Variants in DPP10 observed in about 807,000 individuals in gnomAD.
DPP10 encodes dipeptidyl peptidase like 10.
In DPP10, 33 loss-of-function variants were observed where a neutral mutation model predicts 120.9. The observed-to-expected ratio is 0.27, with a 90% CI of 0.21 to 0.37. The LOEUF (loss-of-function observed/expected upper bound fraction) is 0.37. Among genes scored for constraint, DPP10 ranks in the 10% least tolerant of loss-of-function variants. The probability of loss-of-function intolerance (pLI) is 1.00; values close to 1 mark genes in which losing one functional copy is unlikely to be tolerated. For missense variants in DPP10, 816 were observed against 942.8 expected, an observed-to-expected ratio of 0.87 and a Z score of 1.76; for synonymous variants, 337 against 326.1, an observed-to-expected ratio of 1.03 and a Z score of -0.36.
chr2:115,703,420 G>A (rs1490051674), intron 7 of DPP10, among the ~76,000 whole-genome samples: 1 of 152,044 alleles, frequency 6.6e-6, no homozygotes, highest in Non-Finnish European at 1.5e-5. Flanking sequence ...GAGGGAGAAG[G>A]ATTTTAACGA....
Position 114,854,522 on chromosome 2 carries a change from C to T in DPP10, c.60+411684C>T, listed in dbSNP as rs1040595912. 1.6e-4 allele frequency among the ~76,000 whole-genome samples: 24 copies of T among 152,188 alleles called. No individual in the cohort carries two copies. The South Asian group carries it at 1.9e-3, about 12-fold the overall frequency. ...AGGTTGGCATTACACTCTCTGTCGA[C>T]GCTCAAAAGCTTCAGGAAGAGTTTA... On this transcript the variant is annotated intron_variant, in intron 1 of 25. Coordinates refer to ENST00000410059, the MANE Select transcript of DPP10 (RefSeq NM_020868.6).
intron 1 of DPP10, among the ~76,000 whole-genome samples, chr2:114,713,251 G>T (rs1701140469): frequency 2.0e-5 from 3 of 152,142 alleles, no homozygotes; most frequent in South Asian, 2.1e-4. Flanking sequence ...GCTTCCCAAA[G>T]TGCTGGGATT....
chr2:115,612,907 G>T (rs1051379591), intron 5 of DPP10, among the ~76,000 whole-genome samples: 1 of 151,232 alleles, frequency 6.6e-6, no homozygotes, highest in East Asian at 1.9e-4. Context: ...ATAAAGTCAT[G>T]ACAACTGGTA....
chr2:115,607,888 AAC>A (rs1168227240), intron 5 of DPP10, among the ~76,000 whole-genome samples: 1 of 152,208 alleles, frequency 6.6e-6, no homozygotes, highest in Non-Finnish European at 1.5e-5. Context: ...GAGAATGATT[AAC>A]TTAAAGTCTT....
intron 1 of DPP10, among the ~76,000 whole-genome samples, chr2:115,128,568 T>G (rs2104773101): frequency 6.6e-6 from 1 of 152,368 alleles, no homozygotes; most frequent in East Asian, 1.9e-4. Context: ...CAGAAACATT[T>G]GGTTTAAACA....
chr2:115,067,154 A>G (rs1394053710), intron 1 of DPP10, among the ~76,000 whole-genome samples: 1 of 152,020 alleles, frequency 6.6e-6, no homozygotes, highest in Admixed American at 6.5e-5. Flanking sequence ...AGTATGCTGT[A>G]TTTGTCTTTC....
At chr2:115,762,475 G>A in intron 11 of DPP10, 97 bp from the exon 12 acceptor site, 3 of 1,258,476 alleles carry the variant, frequency 2.4e-6, no homozygotes, top group Non-Finnish European at 3.5e-6. Flanking sequence ...GTTGAAGAGA[G>A]GGAAAAAAAA....
intron 1 of DPP10, among the ~76,000 whole-genome samples, chr2:115,207,702 G>A (rs1405939683): frequency 6.6e-6 from 1 of 152,136 alleles, no homozygotes; most frequent in Non-Finnish European, 1.5e-5. Flanking sequence ...TATGGTAGGC[G>A]TGCAAGAAGT....
chr2:115,602,327 A>G (rs1033115621), intron 5 of DPP10, among the ~76,000 whole-genome samples: 9 of 152,198 alleles, frequency 5.9e-5, no homozygotes, highest in African/African-American at 2.2e-4. Flanking sequence ...AATGGTTTAA[A>G]AAAATGCTCG....
intron 5 of DPP10, among the ~76,000 whole-genome samples, chr2:115,539,705 A>T (rs1391200581): frequency 6.6e-6 from 1 of 151,936 alleles, no homozygotes; most frequent in Non-Finnish European, 1.5e-5. Context: ...CAATCAAAGC[A>T]GTAGACTTTG....
chr2:115,589,805 C>T (rs1359013222), intron 5 of DPP10, among the ~76,000 whole-genome samples: 2 of 152,172 alleles, frequency 1.3e-5, no homozygotes, highest in Non-Finnish European at 2.9e-5. Flanking sequence ...TATCCTAAGA[C>T]TGGCATTCAT....
intron 1 of DPP10, among the ~76,000 whole-genome samples, chr2:115,248,061 CA>C (rs1321674004): frequency 6.6e-6 from 1 of 152,084 alleles, no homozygotes; most frequent in Non-Finnish European, 1.5e-5. Context: ...GCAAAGATCC[CA>C]AAGGTGGAAA....
At chr2:115,077,205 A>G (rs2104473528) in intron 1 of DPP10, among the ~76,000 whole-genome samples, 1 of 152,104 alleles carries the variant, frequency 6.6e-6, no homozygotes, top group South Asian at 2.1e-4. Flanking sequence ...CTAATATATA[A>G]CTCTATATAA....
intron 1 of DPP10, among the ~76,000 whole-genome samples, chr2:114,513,512 A>ACTCTACCT (rs1462933339): frequency 7.5e-6 from 1 of 133,796 alleles, no homozygotes; most frequent in East Asian, 2.1e-4. Context: ...CAAGAGTGAA[A>ACTCTACCT]CTCTACCTCA....
At chr2:115,428,932 CTACTT>C (rs964052564) in intron 3 of DPP10, among the ~76,000 whole-genome samples, 1 of 152,188 alleles carries the variant, frequency 6.6e-6, no homozygotes, top group Non-Finnish European at 1.5e-5. Flanking sequence ...AGAGGAACCT[CTACTT>C]TACTTTTTAC....
At chr2:115,626,318 G>T (rs2085355512) in intron 5 of DPP10, among the ~76,000 whole-genome samples, 1 of 151,880 alleles carries the variant, frequency 6.6e-6, no homozygotes, top group Non-Finnish European at 1.5e-5. Context: ...ACCATACTGA[G>T]AAAATAATAA....
At chr2:114,806,919 C>T (rs1056551853) in intron 1 of DPP10, among the ~76,000 whole-genome samples, 18 of 152,282 alleles carry the variant, frequency 1.2e-4, no homozygotes, top group African/African-American at 4.1e-4. Flanking sequence ...CCAATCTCCT[C>T]TCACCGTCTG....
chr2:115,483,445 A>ATCTG, intron 3 of DPP10, among the ~76,000 whole-genome samples: 1 of 72,684 alleles, frequency 1.4e-5, no homozygotes, highest in Non-Finnish European at 2.9e-5. Flanking sequence ...CTGTCTATCT[A>ATCTG]TCTATCTATC....
At chr2:114,589,333 C>G (rs1274719598) in intron 1 of DPP10, among the ~76,000 whole-genome samples, 1 of 152,174 alleles carries the variant, frequency 6.6e-6, no homozygotes, top group African/African-American at 2.4e-5. Context: ...GGTGTTAACC[C>G]CCTTCCTGCT....
Sources: allele counts gnomAD v4.1 joint callset (sites outside exome capture counted in the v4.1 genomes callset), GRCh38; gene constraint gnomAD v4.1.1; transcripts MANE v1.5; gene names NCBI Gene and HGNC (gene_info 2026-07-23, HGNC 2026-07-21).